The following DNAH11 variants were observed in gnomAD, a reference collection of about 807,000 sequenced individuals.
The protein encoded by DNAH11 is axonemal beta dynein heavy chain 11.
Under a neutral mutation model 526.0 loss-of-function variants are expected in DNAH11, and 442 were observed. The ratio of observed to expected loss-of-function variants is 0.84; its 90% confidence interval spans 0.78 to 0.91. The LOEUF (loss-of-function observed/expected upper bound fraction) is 0.91. Ranked by LOEUF, DNAH11 falls within the 40% of genes least tolerant of loss-of-function variation. The pLI, the probability that DNAH11 is intolerant of heterozygous loss-of-function variation, is 0.00. For synonymous variants in DNAH11, 2,461 were observed against 1,935.9 expected, an observed-to-expected ratio of 1.27 and a Z score of -7.12; for missense variants, 6,989 against 5,448.7, an observed-to-expected ratio of 1.28 and a Z score of -8.90.
chr7:21,776,167 T>C (rs932983101), intron 56 of DNAH11, among the ~76,000 whole-genome samples: 1 of 152,182 alleles, frequency 6.6e-6, no homozygotes, highest in Non-Finnish European at 1.5e-5. Context: ...CCAGGGCTGC[T>C]TGGGTCTCTT....
intron 57 of DNAH11, among the ~76,000 whole-genome samples, chr7:21,781,952 G>T (rs1204684655): frequency 6.6e-6 from 1 of 152,152 alleles, no homozygotes; most frequent in Non-Finnish European, 1.5e-5. Context: ...TGTGTCTTGT[G>T]TGTGTCCAAA....
intron 8 of DNAH11, among the ~76,000 whole-genome samples, chr7:21,576,362 C>T (rs1009381282): frequency 6.6e-6 from 1 of 152,074 alleles, no homozygotes; most frequent in Non-Finnish European, 1.5e-5. Flanking sequence ...AAAGGAAGCA[C>T]CAAGTTGGTT....
At chr7:21,793,668 A>G (rs553477837) in intron 61 of DNAH11, among the ~76,000 whole-genome samples, 2 of 151,334 alleles carry the variant, frequency 1.3e-5, no homozygotes, top group African/African-American at 4.8e-5. Context: ...GAAATGTTCT[A>G]TAAATGTTGC....
At chr7:21,559,563 GATTC>G in intron 3 of DNAH11, 36 bp from the exon 4 acceptor site, 1 of 1,451,954 alleles carries the variant, frequency 6.9e-7, no homozygotes. Context: ...TGGATAAAAT[GATTC>G]ATCTTTGAAT....
Position 21,622,638 on chromosome 7 carries a change from G to C in DNAH11, c.4500+2560G>C, listed in dbSNP as rs555721632. On this transcript the variant is annotated intron_variant, in intron 25 of 81. Transcript: ENST00000409508. ...AAAACAGATATAGATCAATGGAACA[G>C]AACAGAGCCCTCAGAAATAATGCCA... 6.7e-3 allele frequency among the ~76,000 whole-genome samples: 1,017 copies of C among 152,226 alleles called. 7 individuals are homozygous for C. Among genetic ancestry groups the C allele is most frequent in the South Asian group, 0.024 (116 of 4,818 alleles).
chr7:21,596,610 A>T (rs953672451), intron 14 of DNAH11, among the ~76,000 whole-genome samples: 1 of 152,060 alleles, frequency 6.6e-6, no homozygotes, highest in African/African-American at 2.4e-5. Flanking sequence ...TACTCCCCAA[A>T]CTCTAAGGAT....
intron 30 of DNAH11, among the ~76,000 whole-genome samples, chr7:21,676,382 G>T (rs1013616640): frequency 1.3e-5 from 2 of 152,158 alleles, no homozygotes; most frequent in African/African-American, 4.8e-5. Flanking sequence ...TGTTTTCTAT[G>T]TCACAGACCA....
At chr7:21,898,282 G>A (rs1176642329) in intron 79 of DNAH11, among the ~76,000 whole-genome samples, 3 of 152,012 alleles carry the variant, frequency 2.0e-5, no homozygotes, top group South Asian at 2.1e-4. Flanking sequence ...ATGCTTTTTC[G>A]GATCCAGCTA....
intron 45 of DNAH11, among the ~76,000 whole-genome samples, chr7:21,729,056 G>C (rs1460806305): frequency 6.6e-6 from 1 of 152,230 alleles, no homozygotes; most frequent in African/African-American, 2.4e-5. Flanking sequence ...AAGTGAGGGG[G>C]AAATAGCCTC....
chr7:21,724,720 C>T (rs1785015526), intron 44 of DNAH11, among the ~76,000 whole-genome samples: 1 of 150,378 alleles, frequency 6.6e-6, no homozygotes, highest in Non-Finnish European at 1.5e-5. Context: ...GTAACTGGGC[C>T]AGGTCATCCT....
Position 21,864,615 on chromosome 7 carries a change from T to C in DNAH11, c.11454T>C (p.Ser3818=), listed in dbSNP as rs562908594. The C allele has an allele frequency of 1.9e-5, 30 of 1,609,408 alleles. No homozygotes were observed. The African/African-American group carries it at 3.1e-4, about 16-fold the overall frequency. The part of the protein sequence containing the change: ...LRFTVEHTHL[S]PVDFLTSQSW... ...TCACAGTTGAACACACTCATCTGAG[T>C]CCCGTTGACTTCCTAACTTCTCAGT... The change falls in exon 70 of 82, where the codon AGT becomes AGC. Residue 3818 remains serine, a synonymous_variant. Coordinates refer to ENST00000409508, the MANE Select transcript of DNAH11 (RefSeq NM_001277115.2).
chr7:21,545,369 A>T (rs1315941997), intron 2 of DNAH11, among the ~76,000 whole-genome samples: 1 of 150,998 alleles, frequency 6.6e-6, no homozygotes, highest in African/African-American at 2.4e-5. Flanking sequence ...AAAGGAGCTC[A>T]TGCTTACTGA....
At chr7:21,730,964 C>T (rs948844809) in intron 45 of DNAH11, among the ~76,000 whole-genome samples, 2 of 151,594 alleles carry the variant, frequency 1.3e-5, no homozygotes, top group African/African-American at 4.9e-5. Flanking sequence ...GCCAACATGG[C>T]GAAACCCGGT....
At chr7:21,808,158 AC>A in intron 63 of DNAH11, 109 bp downstream of exon 63, 1 of 821,716 alleles carries the variant, frequency 1.2e-6, no homozygotes, top group Non-Finnish European at 1.7e-6. Flanking sequence ...ATGAGAACTG[AC>A]CAGAAATTCC....
chr7:21,765,837 C>T (rs749881297), intron 55 of DNAH11, among the ~76,000 whole-genome samples: 14 of 152,158 alleles, frequency 9.2e-5, no homozygotes, highest in Non-Finnish European at 1.8e-4. Context: ...AACACGGGCA[C>T]GCACACAGCA....
intron 69 of DNAH11, among the ~76,000 whole-genome samples, chr7:21,862,280 A>C (rs1039149070): frequency 6.6e-6 from 1 of 151,888 alleles, no homozygotes; most frequent in Non-Finnish European, 1.5e-5. Flanking sequence ...CACAGCGGTC[A>C]CCCTGAAAAA....
Position 21,786,079 on chromosome 7 carries a change from G to A in DNAH11, c.9598-545G>A, listed in dbSNP as rs375471666. Among the ~76,000 whole-genome samples the A allele has an allele frequency of 2.7e-4, 41 of 152,286 alleles. No homozygotes were observed. The East Asian group carries it at 5.6e-3, about 21-fold the overall frequency. ...TGGATTAATCAGTGGCATCACCTGAGGAGACAAAGGAGTAGAGAAGAAAGT... is the reference window on the plus strand; with the variant it reads ...TGGATTAATCAGTGGCATCACCTGAAGAGACAAAGGAGTAGAGAAGAAAGT... On this transcript the variant is annotated intron_variant, in intron 58 of 81. Transcript: ENST00000409508.
intron 5 of DNAH11, among the ~76,000 whole-genome samples, chr7:21,562,188 T>C (rs556471884): frequency 1.3e-5 from 2 of 152,328 alleles, no homozygotes; most frequent in African/African-American, 4.8e-5. Flanking sequence ...AATCTTGTCA[T>C]GATCAACATT....
At position 21,600,836 on chromosome 7, in the gene DNAH11, T is replaced by C. The variant is rs1489671899; in HGVS notation, c.3161T>C (p.Leu1054Ser). ...DRAEFMKHFL[L>S]YGHAVSSDEM... ...GCTGAGTTTATGAAGCATTTTCTCTTGTATGGCCATGCTGTGTCTTCCGAT... is the reference window on the plus strand; with the variant it reads ...GCTGAGTTTATGAAGCATTTTCTCTCGTATGGCCATGCTGTGTCTTCCGAT... The change falls in exon 16 of 82, where the codon TTG (leucine) becomes TCG (serine). Residue 1054 changes from leucine to serine, a missense_variant. Leu to Ser is a moderately radical substitution (Grantham distance 145). Coordinates refer to ENST00000409508, the MANE Select transcript of DNAH11 (RefSeq NM_001277115.2). 2.5e-6 allele frequency: 4 copies of C among 1,613,828 alleles called. No homozygotes were observed. Among genetic ancestry groups the C allele is most frequent in the Non-Finnish European group, 3.4e-6 (4 of 1,179,870 alleles).
Sources: allele counts gnomAD v4.1 joint callset (sites outside exome capture counted in the v4.1 genomes callset), GRCh38; gene constraint gnomAD v4.1.1; transcripts MANE v1.5; gene names NCBI Gene and HGNC (gene_info 2026-07-23, HGNC 2026-07-21).